Variants in NAA25 observed in about 807,000 individuals in gnomAD.
The protein encoded by NAA25 is N-terminal acetyltransferase B complex subunit NAA25.
Under a neutral mutation model 132.5 loss-of-function variants are expected in NAA25, and 30 were observed. The ratio of observed to expected loss-of-function variants is 0.23; its 90% CI spans 0.17 to 0.31. NAA25 has a LOEUF of 0.31. Ranked by LOEUF, NAA25 falls within the 10% of genes least tolerant of loss-of-function variation. NAA25 has a pLI of 1.00. For missense variants in NAA25, 771 were observed against 1,150.4 expected, an observed-to-expected ratio of 0.67 and a Z score of 4.77; for synonymous variants, 359 against 401.9, an observed-to-expected ratio of 0.89 and a Z score of 1.28.
intron 1 of NAA25, among the ~76,000 whole-genome samples, chr12:112,096,401 A>G (rs1566034286): frequency 2.0e-5 from 3 of 152,216 alleles, no homozygotes; most frequent in Admixed American, 6.5e-5. Flanking sequence ...CCCACAGAAC[A>G]GAAATAAACT....
chr12:112,094,146 C>T (rs960506218), intron 1 of NAA25, among the ~76,000 whole-genome samples: 2 of 144,512 alleles, frequency 1.4e-5, no homozygotes, highest in Non-Finnish European at 3.0e-5. Flanking sequence ...GAGGCTGAGA[C>T]AGGAGAATGG....
At chr12:112,065,653 A>C (rs932736279) in intron 11 of NAA25, 1 of 151,994 alleles carries the variant, frequency 6.6e-6, no homozygotes, top group Non-Finnish European at 1.5e-5. Flanking sequence ...ACAGAGCAAG[A>C]CTCTATCTCA....
chr12:112,091,142 C>T (rs1471417208), intron 2 of NAA25, among the ~76,000 whole-genome samples: 8 of 151,162 alleles, frequency 5.3e-5, no homozygotes, highest in Non-Finnish European at 7.4e-5. Flanking sequence ...TGGTGGTGTG[C>T]ACCCAGCTAC....
At chr12:112,067,081 T>C (rs2078728443) in intron 11 of NAA25, among the ~76,000 whole-genome samples, 1 of 151,994 alleles carries the variant, frequency 6.6e-6, no homozygotes, top group Non-Finnish European at 1.5e-5. Context: ...ACACCAGTAA[T>C]CCCAGCTACT....
chr12:112,087,652 C>T (rs1261088825), intron 4 of NAA25, 31 bp downstream of exon 4: 1 of 1,480,570 alleles, frequency 6.8e-7, no homozygotes, highest in Non-Finnish European at 9.4e-7. Context: ...TAGTAAATCC[C>T]ATAGCCCAGT....
chr12:112,064,453 A>C (rs1001466138), intron 11 of NAA25, among the ~76,000 whole-genome samples: 4 of 151,678 alleles, frequency 2.6e-5, no homozygotes, highest in Non-Finnish European at 5.9e-5. Context: ...CTGGTCTCGA[A>C]CTCCTGAACT....
intron 9 of NAA25, among the ~76,000 whole-genome samples, chr12:112,072,802 T>C (rs1276804876): frequency 6.6e-6 from 1 of 151,706 alleles, no homozygotes; most frequent in Non-Finnish European, 1.5e-5. Flanking sequence ...CCAATTGTGG[T>C]GGCACACACC....
chr12:112,105,509 G>C (rs1330711434), intron 1 of NAA25, among the ~76,000 whole-genome samples: 1 of 152,162 alleles, frequency 6.6e-6, no homozygotes, highest in African/African-American at 2.4e-5. Flanking sequence ...AGATGCACTG[G>C]GAAGATGTTT....
At chr12:112,079,974 T>C (rs1037866754) in intron 5 of NAA25, among the ~76,000 whole-genome samples, 4 of 151,990 alleles carry the variant, frequency 2.6e-5, no homozygotes, top group Admixed American at 1.3e-4. Context: ...TAAACTGATA[T>C]ACCAACTCAT....
At chr12:112,100,103 A>G (rs2079271189) in intron 1 of NAA25, among the ~76,000 whole-genome samples, 1 of 152,236 alleles carries the variant, frequency 6.6e-6, no homozygotes, top group Non-Finnish European at 1.5e-5. Context: ...GCAAGATTGC[A>G]AGGGACAAGG....
intron 11 of NAA25, among the ~76,000 whole-genome samples, chr12:112,061,654 T>G (rs2078631331): frequency 6.6e-6 from 1 of 152,142 alleles, no homozygotes; most frequent in Non-Finnish European, 1.5e-5. Context: ...CTACAGGCAG[T>G]GAAAGATTTT....
At chr12:112,107,752 G>A (rs2079383887) in intron 1 of NAA25, among the ~76,000 whole-genome samples, 1 of 152,078 alleles carries the variant, frequency 6.6e-6, no homozygotes. Flanking sequence ...TGACCTTGAA[G>A]CTTCCTCACC....
rs371698529 is a variant in NAA25, at chr12:112,033,556, C to T, written c.2650-177G>A. The T allele has an allele frequency of 4.9e-4, 208 of 423,878 alleles. 1 individual carries two copies. Among genetic ancestry groups the T allele is most frequent in the East Asian group, 3.7e-3 (102 of 27,476 alleles). 26.3% of individuals were successfully genotyped at this position (423,878 alleles called of 1,614,324 possible). A position where few individuals can be genotyped will look rare whatever the true frequency, so the allele number is the denominator to read the frequency against. ...AGACATTTGGAGATACAAAATAACA[C>T]AGTAATATTAAAATAAATTTCCGAT... is the stretch of plus-strand genomic sequence containing the variant. On this transcript the variant is annotated intron_variant, in intron 22 of 23. Transcript: ENST00000261745.
intron 23 of NAA25, among the ~76,000 whole-genome samples, chr12:112,029,915 T>C (rs1400829648): frequency 1.3e-5 from 2 of 152,154 alleles, no homozygotes; most frequent in East Asian, 3.8e-4. Context: ...GTAAGTTATA[T>C]AAGGTAGAAA....
chr12:112,065,444 A>G (rs1303944862), intron 11 of NAA25: 1 of 151,522 alleles, frequency 6.6e-6, no homozygotes, highest in Non-Finnish European at 1.5e-5. Flanking sequence ...GGTTACAGTG[A>G]GTGGAGATTG....
intron 1 of NAA25, among the ~76,000 whole-genome samples, chr12:112,102,408 C>T (rs1392396267): frequency 6.6e-6 from 1 of 151,948 alleles, no homozygotes; most frequent in African/African-American, 2.4e-5. Flanking sequence ...GTACTAATCT[C>T]TTCATCTTGC....
At chr12:112,057,674 G>A (rs1289713795) in intron 13 of NAA25, among the ~76,000 whole-genome samples, 2 of 152,158 alleles carry the variant, frequency 1.3e-5, no homozygotes, top group East Asian at 3.8e-4. Flanking sequence ...GACTAACATG[G>A]TGAAACCCCA....
chr12:112,045,843 A>G (rs899238771), intron 17 of NAA25, among the ~76,000 whole-genome samples: 2 of 152,200 alleles, frequency 1.3e-5, no homozygotes, highest in African/African-American at 4.8e-5. Context: ...TAACAATTTT[A>G]AACAAATTGG....
chr12:112,056,341 A>T (rs1418740761), intron 13 of NAA25, among the ~76,000 whole-genome samples: 1 of 151,838 alleles, frequency 6.6e-6, no homozygotes, highest in Non-Finnish European at 1.5e-5. Flanking sequence ...TCAAAATAAA[A>T]ATAAAATTTA....
Sources: allele counts gnomAD v4.1 joint callset (sites outside exome capture counted in the v4.1 genomes callset), GRCh38; gene constraint gnomAD v4.1.1; transcripts MANE v1.5; gene names NCBI Gene and HGNC (gene_info 2026-07-23, HGNC 2026-07-21).